PCDH15: variants seen among roughly 807,000 people sequenced by gnomAD.
The protein encoded by PCDH15 is protocadherin-15.
Under a neutral mutation model 178.5 loss-of-function variants are expected in PCDH15, and 129 were observed. The ratio of observed to expected loss-of-function variants is 0.72; its 90% CI spans 0.63 to 0.84. The LOEUF (loss-of-function observed/expected upper bound fraction) is 0.84, where lower values mean the gene tolerates loss of function less well. PCDH15 is among the 40% of genes least tolerant of loss of function. PCDH15 has a pLI of 0.00. For missense variants in PCDH15, 2,230 were observed against 2,099.9 expected, an observed-to-expected ratio of 1.06 and a Z score of -1.21; for synonymous variants, 800 against 732.0, an observed-to-expected ratio of 1.09 and a Z score of -1.50.
At chr10:54,546,076 T>C (rs1257605107) in intron 2 of PCDH15, among the ~76,000 whole-genome samples, 3 of 152,214 alleles carry the variant, frequency 2.0e-5, no homozygotes, top group Non-Finnish European at 4.4e-5. Context: ...TGATGGGGAT[T>C]GTACCTATGA....
intron 1 of PCDH15, among the ~76,000 whole-genome samples, chr10:54,787,045 T>A (rs1309346996): frequency 6.6e-6 from 1 of 151,866 alleles, no homozygotes; most frequent in Non-Finnish European, 1.5e-5. Flanking sequence ...GGCCTTTAAT[T>A]ATCTAACTTT....
At chr10:54,064,181 C>A (rs1423276369) in intron 18 of PCDH15, among the ~76,000 whole-genome samples, 4 of 152,166 alleles carry the variant, frequency 2.6e-5, no homozygotes, top group Non-Finnish European at 5.9e-5. Context: ...GTCCAGCTCT[C>A]AGCAGAGAGA....
rs141520338 is a variant in PCDH15 at position 55,517,049 on chromosome 10, A to G, written c.-156+110576T>C. Among the ~76,000 whole-genome samples, 800 of 152,260 alleles carry G rather than the reference A, an allele frequency of 5.3e-3. 12 individuals carry two copies. The highest frequency in any genetic ancestry group is 0.018 in the African/African-American group (758 of 41,580). On this transcript the variant is annotated intron_variant, in intron 2 of 5. Transcript: ENST00000613346. ...ACACTTATAAAGAAATATAGGAATAAAGCTAAATTAACTCACTAAAGAACT... is the reference window on the plus strand; with the variant it reads ...ACACTTATAAAGAAATATAGGAATAGAGCTAAATTAACTCACTAAAGAACT...
chr10:53,866,567 G>T (rs2079467422), intron 27 of PCDH15, 75 bp downstream of exon 27: 1 of 1,101,692 alleles, frequency 9.1e-7, no homozygotes, highest in Non-Finnish European at 1.4e-6. Flanking sequence ...AATCTTAGAA[G>T]TTCTATAAAC....
At chr10:55,172,898 T>G (rs1019634010) in intron 1 of PCDH15, among the ~76,000 whole-genome samples, 2 of 151,942 alleles carry the variant, frequency 1.3e-5, no homozygotes, top group Admixed American at 1.3e-4. Flanking sequence ...TCTTTGAGAG[T>G]TGCAAGCACT....
intron 2 of PCDH15, among the ~76,000 whole-genome samples, chr10:55,407,253 G>A (rs958765240): frequency 3.9e-5 from 6 of 152,112 alleles, no homozygotes; most frequent in Non-Finnish European, 7.4e-5. Context: ...CTGTATATTC[G>A]TACATCTTGG....
chr10:54,315,720 G>C (rs569078689), intron 8 of PCDH15, among the ~76,000 whole-genome samples: 9 of 19,624 alleles, frequency 4.6e-4, no homozygotes, highest in Admixed American at 3.4e-3. Flanking sequence ...GTATAAGGAG[G>C]GGGGGGTCCA....
intron 20 of PCDH15, among the ~76,000 whole-genome samples, chr10:54,002,036 A>AATAT (rs762826959): frequency 6.9e-6 from 1 of 144,160 alleles, no homozygotes; most frequent in African/African-American, 2.5e-5. Context: ...AACAATTGTA[A>AATAT]ATATATATAC....
At chr10:55,615,683 C>A (rs1843458350) in intron 2 of PCDH15, among the ~76,000 whole-genome samples, 1 of 151,950 alleles carries the variant, frequency 6.6e-6, no homozygotes, top group South Asian at 2.1e-4. Flanking sequence ...GCCTGGGCAA[C>A]ATAGTGGGAT....
intron 1 of PCDH15, among the ~76,000 whole-genome samples, chr10:55,171,136 T>A (rs1194089336): frequency 2.0e-5 from 3 of 152,174 alleles, no homozygotes; most frequent in Admixed American, 2.0e-4. Context: ...TTAAACATCA[T>A]CTAAATCTCA....
intron 2 of PCDH15, among the ~76,000 whole-genome samples, chr10:55,138,721 CCAA>C (rs1276302204): frequency 1.3e-5 from 2 of 151,968 alleles, no homozygotes; most frequent in African/African-American, 2.4e-5. Flanking sequence ...AAAATCGGTA[CCAA>C]CAAGATATAA....
intron 2 of PCDH15, among the ~76,000 whole-genome samples, chr10:54,929,883 T>C (rs1031786406): frequency 6.6e-6 from 1 of 152,214 alleles, no homozygotes; most frequent in Non-Finnish European, 1.5e-5. Flanking sequence ...TGCTGTACCA[T>C]TTTAACATAT....
intron 1 of PCDH15, among the ~76,000 whole-genome samples, chr10:55,314,436 C>T (rs1843670181): frequency 6.6e-6 from 1 of 151,908 alleles, no homozygotes; most frequent in African/African-American, 2.4e-5. Flanking sequence ...CCTCCTGAAA[C>T]CCTGGCTCTC....
intron 10 of PCDH15, among the ~76,000 whole-genome samples, chr10:54,206,358 G>A (rs1005013959): frequency 6.6e-6 from 1 of 152,114 alleles, no homozygotes; most frequent in Non-Finnish European, 1.5e-5. Flanking sequence ...TGTTTGGAAC[G>A]TGAGAATCAT....
intron 3 of PCDH15, among the ~76,000 whole-genome samples, chr10:54,463,842 C>G (rs1280462182): frequency 1.3e-5 from 2 of 151,996 alleles, no homozygotes; most frequent in Non-Finnish European, 2.9e-5. Flanking sequence ...GTACGAGCGA[C>G]ATTTGAACTC....
intron 8 of PCDH15, among the ~76,000 whole-genome samples, chr10:54,296,083 T>C (rs1420338330): frequency 7.4e-6 from 1 of 134,362 alleles, no homozygotes; most frequent in Admixed American, 8.5e-5. Context: ...AGGCGGAGCT[T>C]GCAGGGAGCC....
At chr10:54,422,604 C>T (rs1354703919) in intron 3 of PCDH15, among the ~76,000 whole-genome samples, 1 of 152,092 alleles carries the variant, frequency 6.6e-6, no homozygotes, top group Admixed American at 6.6e-5. Flanking sequence ...CAGTAGTGTA[C>T]CTCCTCCTCT....
At chr10:54,135,210 A>G (rs987195498) in intron 14 of PCDH15, among the ~76,000 whole-genome samples, 1 of 148,340 alleles carries the variant, frequency 6.7e-6, no homozygotes, top group African/African-American at 2.5e-5. Context: ...CTCAAAAAAA[A>G]AAAAAAATTT....
intron 23 of PCDH15, among the ~76,000 whole-genome samples, chr10:53,951,323 C>A (rs1389711942): frequency 6.6e-6 from 1 of 150,470 alleles, no homozygotes; most frequent in Non-Finnish European, 1.5e-5. Flanking sequence ...TCCCTCCCAC[C>A]CCCACCAAAA....
Sources: allele counts gnomAD v4.1 joint callset (sites outside exome capture counted in the v4.1 genomes callset), GRCh38; gene constraint gnomAD v4.1.1; transcripts MANE v1.5; gene names NCBI Gene and HGNC (gene_info 2026-07-23, HGNC 2026-07-21).